PVT1: variants seen among roughly 807,000 people sequenced by gnomAD.
The protein encoded by PVT1 is Pvt1 oncogene.
At chr8:128,008,158 C>T (rs563410277) in intron 4 of PVT1, among the ~76,000 whole-genome samples, 3 of 152,240 alleles carry the variant, frequency 2.0e-5, no homozygotes, top group East Asian at 1.9e-4. Flanking sequence ...TATCTAAACC[C>T]GATTAATTAG....
At chr8:128,026,294 G>A (rs1225503554) in intron 4 of PVT1, among the ~76,000 whole-genome samples, 2 of 151,074 alleles carry the variant, frequency 1.3e-5, no homozygotes, top group Non-Finnish European at 2.9e-5. Context: ...CATTTAAGAA[G>A]ACTTTTTATT....
intron 3 of PVT1, among the ~76,000 whole-genome samples, chr8:127,955,134 G>A (rs1334378509): frequency 3.9e-5 from 6 of 152,162 alleles, no homozygotes; most frequent in African/African-American, 2.4e-5. Context: ...CTATTAGGGT[G>A]GGCCCTAAGC....
chr8:127,949,737 G>C (rs766635603), intron 3 of PVT1, among the ~76,000 whole-genome samples: 1 of 152,130 alleles, frequency 6.6e-6, no homozygotes, highest in Non-Finnish European at 1.5e-5. Flanking sequence ...TAGAGTCCCC[G>C]CCTCTTTTAC....
chr8:127,802,532 C>A (rs1056278836), intron 2 of PVT1, among the ~76,000 whole-genome samples: 2 of 152,170 alleles, frequency 1.3e-5, no homozygotes, highest in African/African-American at 4.8e-5. Context: ...TCTCATGAAC[C>A]AATTCTTTGA....
At chr8:128,005,883 T>A (rs942165105) in intron 4 of PVT1, among the ~76,000 whole-genome samples, 1 of 152,076 alleles carries the variant, frequency 6.6e-6, no homozygotes, top group Admixed American at 6.5e-5. Flanking sequence ...GCAGGCAGAT[T>A]ACTTGAGGTC....
chr8:127,929,684 C>A (rs1352120121), intron 3 of PVT1, among the ~76,000 whole-genome samples: 2 of 151,842 alleles, frequency 1.3e-5, no homozygotes, highest in Non-Finnish European at 2.9e-5. Flanking sequence ...AGGAGAATGG[C>A]GTGAACCCGG....
chr8:127,978,942 A>G (rs187427244), intron 3 of PVT1, among the ~76,000 whole-genome samples: 27 of 151,540 alleles, frequency 1.8e-4, no homozygotes, highest in African/African-American at 6.3e-4. Flanking sequence ...AGGTCTCACT[A>G]TGTTGCCCAG....
chr8:127,924,508 A>AT lies in PVT1; in HGVS notation n.782+33531dup, dbSNP rs140569442. Among the ~76,000 whole-genome samples the AT allele has an allele frequency of 4.7e-3, 433 of 92,202 alleles. 10 individuals carry two copies. Among genetic ancestry groups the AT allele is most frequent in the African/African-American group, 0.017 (372 of 21,874 alleles). 60.5% of individuals were successfully genotyped at this position (92,202 alleles called of 152,430 possible). On this transcript the variant is annotated intron_variant and non_coding_transcript_variant, in intron 3 of 10. Coordinates refer to ENST00000651587, the Ensembl canonical transcript of PVT1. ...ACCACCATGTCTGGCTAACTTTTGTATTTTTTTTTTTTTTTTTTTTTGAGA... is the reference window on the plus strand; with the variant it reads ...ACCACCATGTCTGGCTAACTTTTGTATTTTTTTTTTTTTTTTTTTTTTGAGA...
At chr8:128,016,932 T>C (rs562613419) in intron 4 of PVT1, among the ~76,000 whole-genome samples, 53 of 152,278 alleles carry the variant, frequency 3.5e-4, no homozygotes, top group Non-Finnish European at 6.6e-4. Flanking sequence ...ATGCCTGTAA[T>C]CCCAGCACTT....
chr8:128,030,109 T>C (rs1813371568), intron 4 of PVT1, among the ~76,000 whole-genome samples: 1 of 152,160 alleles, frequency 6.6e-6, no homozygotes, highest in African/African-American at 2.4e-5. Context: ...TGAGATGCCA[T>C]CTTAAGAAAA....
At chr8:128,015,575 C>T (rs193034593) in intron 4 of PVT1, among the ~76,000 whole-genome samples, 23 of 151,978 alleles carry the variant, frequency 1.5e-4, no homozygotes, top group African/African-American at 5.3e-4. Flanking sequence ...GAAATCGAGA[C>T]CATCCTGGCC....
chr8:127,889,137 T>G (rs1271166242), intron 2 of PVT1, among the ~76,000 whole-genome samples: 2 of 143,076 alleles, frequency 1.4e-5, no homozygotes, highest in African/African-American at 5.1e-5. Flanking sequence ...TTCTTTCTTC[T>G]TTTTTTTTTT....
At chr8:127,936,277 C>G (rs1055430607) in intron 3 of PVT1, among the ~76,000 whole-genome samples, 3 of 151,902 alleles carry the variant, frequency 2.0e-5, no homozygotes, top group African/African-American at 7.3e-5. Flanking sequence ...GTCTCCAACT[C>G]CCGACCTCAG....
At chr8:128,017,694 C>T (rs1817389569) in intron 4 of PVT1, among the ~76,000 whole-genome samples, 1 of 152,088 alleles carries the variant, frequency 6.6e-6, no homozygotes, top group South Asian at 2.1e-4. Context: ...GCCTCGGCCT[C>T]CCAAAGTGCT....
In PVT1 at chr8:127,921,854, G is replaced by GTTTTTTTTTTTTTTTTTTTTTTTTT. The variant is rs71300279; in HGVS notation, n.782+30880_782+30881insTTTTTTTTTTTTTTTTTTTTTTTTT. ...AAAAAAATTATAATTTTTGGTTCAT[G>GTTTTTTTTTTTTTTTTTTTTTTTTT]TTTTTTTTTTTTTTTTTTTTTTTTG... On this transcript the variant is annotated intron_variant and non_coding_transcript_variant, in intron 3 of 10. Transcript: ENST00000651587. Among the ~76,000 whole-genome samples, 8 of 71,924 alleles carry GTTTTTTTTTTTTTTTTTTTTTTTTT rather than the reference G, an allele frequency of 1.1e-4. 1 individual carries two copies. The highest frequency in any genetic ancestry group is 3.6e-4 in the African/African-American group (6 of 16,494). The allele number at this position is 71,924 out of a possible 152,430, so 47.2% of individuals were successfully genotyped here.
intron 2 of PVT1, among the ~76,000 whole-genome samples, chr8:127,888,531 A>G (rs1431810065): frequency 6.6e-6 from 1 of 152,228 alleles, no homozygotes; most frequent in Non-Finnish European, 1.5e-5. Flanking sequence ...AGATGCTAGT[A>G]AGGCTAAGGA....
intron 5 of PVT1, among the ~76,000 whole-genome samples, chr8:128,086,012 G>A (rs753597828): frequency 3.3e-5 from 5 of 152,184 alleles, no homozygotes; most frequent in Non-Finnish European, 4.4e-5. Flanking sequence ...CTTGTCAGCC[G>A]TCGAATGGTT....
intron 3 of PVT1, among the ~76,000 whole-genome samples, chr8:127,962,415 C>T (rs955196718): frequency 4.6e-5 from 7 of 152,154 alleles, no homozygotes; most frequent in Non-Finnish European, 1.0e-4. Flanking sequence ...TAAGCCAGCA[C>T]CTTGAGTTGG....
At chr8:128,025,911 G>A (rs1817487431) in intron 4 of PVT1, among the ~76,000 whole-genome samples, 1 of 152,014 alleles carries the variant, frequency 6.6e-6, no homozygotes, top group Non-Finnish European at 1.5e-5. Context: ...TATCAGAGCA[G>A]AGACTGGAGC....
Sources: gnomAD v4.1 joint callset for allele counts (sites outside exome capture counted in the v4.1 genomes callset) on GRCh38, gnomAD v4.1.1 for gene constraint, MANE v1.5 for transcripts, NCBI Gene and HGNC (gene_info 2026-07-23, HGNC 2026-07-21) for gene names.